The following ADAMTS6 variants were observed in gnomAD, a reference collection of about 807,000 sequenced individuals.
ADAMTS6 encodes ADAM metallopeptidase with thrombospondin type 1 motif 6.
Under a neutral mutation model 144.3 loss-of-function variants are expected in ADAMTS6, and 23 were observed. The ratio of observed to expected loss-of-function variants is 0.16; its 90% CI spans 0.11 to 0.23. The LOEUF (loss-of-function observed/expected upper bound fraction) is 0.23. Among genes scored for constraint, ADAMTS6 ranks in the 10% least tolerant of loss-of-function variants. ADAMTS6 has a pLI of 1.00. For missense variants in ADAMTS6, 999 were observed against 1,379.6 expected (o/e 0.72, Z 4.37); for synonymous variants, 444 against 457.5 (o/e 0.97, Z 0.38).
At chr5:65,472,684 A>G (rs1760555211) in intron 2 of ADAMTS6, among the ~76,000 whole-genome samples, 4 of 152,198 alleles carry the variant, frequency 2.6e-5, no homozygotes, top group Non-Finnish European at 5.9e-5. Context: ...GTGTCTATAC[A>G]TGGAGTTTAC....
chr5:65,323,037 C>A (rs1745776728), intron 9 of ADAMTS6, among the ~76,000 whole-genome samples: 1 of 152,060 alleles, frequency 6.6e-6, no homozygotes, highest in African/African-American at 2.4e-5. Context: ...ATAAGACAAA[C>A]TTTATTCTGA....
intron 7 of ADAMTS6, among the ~76,000 whole-genome samples, chr5:65,352,965 A>G (rs1473120384): frequency 6.6e-6 from 1 of 152,038 alleles, no homozygotes; most frequent in South Asian, 2.1e-4. Context: ...CTTCTCATTC[A>G]CTATTGAGCA....
At chr5:65,353,217 G>A (rs1749022989) in intron 7 of ADAMTS6, among the ~76,000 whole-genome samples, 3 of 151,942 alleles carry the variant, frequency 2.0e-5, no homozygotes, top group South Asian at 4.1e-4. Context: ...TATGTTAATG[G>A]TTCCCCCATA....
intron 12 of ADAMTS6, among the ~76,000 whole-genome samples, chr5:65,264,008 C>T (rs1761417246): frequency 6.6e-6 from 1 of 152,098 alleles, no homozygotes; most frequent in Non-Finnish European, 1.5e-5. Flanking sequence ...TATCACCAAG[C>T]TTTGTTGGTT....
At chr5:65,310,192 T>C (rs1744358040) in intron 9 of ADAMTS6, among the ~76,000 whole-genome samples, 1 of 152,066 alleles carries the variant, frequency 6.6e-6, no homozygotes, top group Non-Finnish European at 1.5e-5. Context: ...TTTAAGTTCC[T>C]GGAGGCCTCC....
intron 7 of ADAMTS6, among the ~76,000 whole-genome samples, chr5:65,370,401 C>G (rs1750746194): frequency 6.6e-6 from 1 of 152,150 alleles, no homozygotes; most frequent in Non-Finnish European, 1.5e-5. Context: ...ACAGCGCGCG[C>G]AGGTCAGTGG....
intron 11 of ADAMTS6, among the ~76,000 whole-genome samples, chr5:65,276,112 C>G (rs1431523515): frequency 2.6e-5 from 4 of 152,130 alleles, no homozygotes; most frequent in Admixed American, 2.6e-4. Context: ...TCCAAAAGTG[C>G]CTTGAAAATC....
At position 65,392,626 on chromosome 5, in the gene ADAMTS6, A is replaced by G. The variant is rs150572629; in HGVS notation, c.1074-58541T>C. ...ATATGACCCCATTGTTTTATTTAGC[A>G]CTGACCCTAACCTATACTCCTGAAA... On this transcript the variant is annotated intron_variant, in intron 7 of 24. Transcript: ENST00000381055. 2.3e-3 allele frequency among the ~76,000 whole-genome samples: 351 copies of G among 152,262 alleles called. 4 individuals carry two copies. Among genetic ancestry groups the G allele is most frequent in the African/African-American group, 8.2e-3 (340 of 41,562 alleles).
chr5:65,314,063 AACAG>A (rs776484113), intron 9 of ADAMTS6, among the ~76,000 whole-genome samples: 11 of 152,174 alleles, frequency 7.2e-5, no homozygotes, highest in Non-Finnish European at 1.3e-4. Context: ...TTTTGGAATA[AACAG>A]ACAGGGAATT....
At chr5:65,398,792 G>GAAAGAAAGA (rs747666036) in intron 7 of ADAMTS6, among the ~76,000 whole-genome samples, 1,591 of 48,894 alleles carry the variant, frequency 0.033, 58 homozygotes, top group Admixed American at 0.054. Context: ...AAGAAAGAAA[G>GAAAGAAAGA]AAAGAAAGAA....
rs545458168 is a variant in ADAMTS6 at position 65,163,530 on chromosome 5, C to T, written c.3244+7087G>A. ...GTCTGGATCTTGTCATACAAGATCA[C>T]TTTCTTAAAATTCCCAAGAAAACAC... On this transcript the variant is annotated intron_variant, in intron 24 of 24. Transcript: ENST00000381055. 1.2e-4 allele frequency among the ~76,000 whole-genome samples: 19 copies of T among 152,278 alleles called. No homozygotes were observed. In the South Asian group the frequency reaches 3.7e-3, roughly 30 times the overall value.
At chr5:65,464,679 C>T (rs141260231) in intron 3 of ADAMTS6, among the ~76,000 whole-genome samples, 122 of 152,264 alleles carry the variant, frequency 8.0e-4, no homozygotes, top group Admixed American at 1.4e-3. Flanking sequence ...TCCTTGACCT[C>T]CTCTCCTTCA....
intron 7 of ADAMTS6, among the ~76,000 whole-genome samples, chr5:65,337,633 C>T (rs1032465256): frequency 2.6e-5 from 4 of 152,080 alleles, no homozygotes; most frequent in African/African-American, 9.7e-5. Flanking sequence ...TCAGTCGTCT[C>T]CCATCTTATA....
intron 7 of ADAMTS6, among the ~76,000 whole-genome samples, chr5:65,428,787 T>C (rs1262574291): frequency 1.3e-5 from 2 of 152,176 alleles, no homozygotes; most frequent in African/African-American, 2.4e-5. Context: ...AGTCAACCCT[T>C]GTATGGAAAT....
Position 65,179,427 on chromosome 5 carries a change from T to G in ADAMTS6, c.2911-6419A>C, listed in dbSNP as rs1394081780. Among the ~76,000 whole-genome samples the G allele has an allele frequency of 4.0e-4, 61 of 152,036 alleles. 1 individual carries two copies. On this transcript the variant is annotated intron_variant, in intron 22 of 24. Coordinates refer to ENST00000381055, the MANE Select transcript of ADAMTS6 (RefSeq NM_197941.4). ...CTGAGGACTGGTGGGGGCTCATAAA[T>G]GATACAAGTAAGGTGTTAGCCAAAA...
intron 7 of ADAMTS6, among the ~76,000 whole-genome samples, chr5:65,429,788 T>C (rs1293688562): frequency 6.6e-6 from 1 of 152,116 alleles, no homozygotes; most frequent in Non-Finnish European, 1.5e-5. Flanking sequence ...GTAACATATC[T>C]GATATAGAAA....
intron 7 of ADAMTS6, among the ~76,000 whole-genome samples, chr5:65,439,150 AAGTGTG>A (rs1757679132): frequency 2.0e-5 from 3 of 151,394 alleles, no homozygotes; most frequent in African/African-American, 7.3e-5. Flanking sequence ...ATTTTTTTAG[AAGTGTG>A]AGTCCATATT....
intron 7 of ADAMTS6, among the ~76,000 whole-genome samples, chr5:65,380,137 C>A (rs887837200): frequency 1.3e-5 from 2 of 151,800 alleles, no homozygotes; most frequent in Admixed American, 1.3e-4. Flanking sequence ...TTTCTCCAGA[C>A]AGCCATTTCA....
chr5:65,188,487 C>A (rs1754806247), intron 21 of ADAMTS6, among the ~76,000 whole-genome samples: 1 of 152,100 alleles, frequency 6.6e-6, no homozygotes, highest in Admixed American at 6.6e-5. Flanking sequence ...TAATTACATT[C>A]TAAAATGAGG....
Sources: gnomAD v4.1 joint callset for allele counts (sites outside exome capture counted in the v4.1 genomes callset) on GRCh38, gnomAD v4.1.1 for gene constraint, MANE v1.5 for transcripts, NCBI Gene and HGNC (gene_info 2026-07-23, HGNC 2026-07-21) for gene names.